Variants in PTPRG observed in about 807,000 individuals in gnomAD.
PTPRG encodes the protein protein tyrosine phosphatase receptor type G.
A neutral mutation model predicts 165.3 loss-of-function variants in PTPRG; 102 were observed. The observed-to-expected ratio is 0.62, with a 90% confidence interval of 0.53 to 0.73. The LOEUF is 0.73. Ranked by LOEUF, PTPRG falls within the 30% of genes least tolerant of loss-of-function variation. The pLI, the probability that PTPRG is intolerant of heterozygous loss-of-function variation, is 0.00. For synonymous variants in PTPRG, 675 were observed against 669.5 expected (o/e 1.01, Z -0.13); for missense variants, 1,866 against 1,861.4 (o/e 1.00, Z -0.05).
intron 6 of PTPRG, among the ~76,000 whole-genome samples, chr3:62,156,070 T>C (rs533922402): frequency 5.9e-5 from 9 of 152,340 alleles, no homozygotes; most frequent in African/African-American, 1.7e-4. Context: ...CTAGATAGTT[T>C]ACTGGGCATG....
chr3:61,749,368 A>G (rs998684197), intron 2 of PTPRG: 6 of 344,116 alleles, frequency 1.7e-5, no homozygotes, highest in Admixed American at 4.5e-5. Flanking sequence ...CATTACAAAC[A>G]TCACATATCA....
At chr3:62,165,359 C>G (rs1381069629) in intron 7 of PTPRG, among the ~76,000 whole-genome samples, 5 of 152,174 alleles carry the variant, frequency 3.3e-5, no homozygotes, top group African/African-American at 1.2e-4. Context: ...TTGATGCATT[C>G]AGTTCTGACT....
intron 3 of PTPRG, among the ~76,000 whole-genome samples, chr3:62,002,671 G>T (rs1183980118): frequency 2.0e-5 from 3 of 152,138 alleles, no homozygotes; most frequent in Non-Finnish European, 2.9e-5. Flanking sequence ...CTTTGGATGG[G>T]TTAAGGGAAA....
chr3:62,044,305 G>A (rs1182859075), intron 4 of PTPRG, among the ~76,000 whole-genome samples: 2 of 152,208 alleles, frequency 1.3e-5, no homozygotes, highest in African/African-American at 4.8e-5. Flanking sequence ...TTGGGAGGCT[G>A]AGGCGGGCGG....
chr3:62,171,967 A>G (rs1041963397), intron 8 of PTPRG, among the ~76,000 whole-genome samples: 1 of 152,070 alleles, frequency 6.6e-6, no homozygotes, highest in African/African-American at 2.4e-5. Flanking sequence ...TTTTGTCTCT[A>G]TGAATTTGTC....
Position 62,141,496 on chromosome 3 carries a change from G to A in PTPRG, c.682+8828G>A, listed in dbSNP as rs191079672. Among the ~76,000 whole-genome samples, 564 of 152,246 alleles carry A rather than the reference G, an allele frequency of 3.7e-3. 3 individuals carry two copies. Among genetic ancestry groups the A allele is most frequent in the African/African-American group, 0.013 (537 of 41,564 alleles). On this transcript the variant is annotated intron_variant, in intron 6 of 29. Transcript: ENST00000474889. ...CACCTGTAGTCCCAGCTATTTTGGG[G>A]AGCTGAGGTGGGAGGATCGCTTGAG...
intron 11 of PTPRG, among the ~76,000 whole-genome samples, chr3:62,202,542 G>T (rs1036297777): frequency 1.6e-4 from 24 of 152,184 alleles, no homozygotes. Context: ...AAACTGCAAG[G>T]TACAGTGACT....
At chr3:61,742,398 C>G (rs1575624893) in intron 1 of PTPRG, 5 of 1,013,260 alleles carry the variant, frequency 4.9e-6, no homozygotes, top group Non-Finnish European at 7.0e-6. Context: ...GCCTTTGGGT[C>G]TGGAATTTTT....
At chr3:61,685,701 A>G (rs1703603345) in intron 1 of PTPRG, among the ~76,000 whole-genome samples, 1 of 152,104 alleles carries the variant, frequency 6.6e-6, no homozygotes, top group South Asian at 2.1e-4. Context: ...AGCTAGAGAT[A>G]CCTCCACTAT....
At chr3:61,761,582 C>CAAAG (rs1158072508) in intron 2 of PTPRG, among the ~76,000 whole-genome samples, 4 of 128,434 alleles carry the variant, frequency 3.1e-5, no homozygotes, top group East Asian at 8.2e-4. Flanking sequence ...CGCCTCAAAA[C>CAAAG]AAAGAAACAA....
chr3:61,571,805 G>T (rs1700063210), intron 1 of PTPRG, among the ~76,000 whole-genome samples: 1 of 152,168 alleles, frequency 6.6e-6, no homozygotes, highest in African/African-American at 2.4e-5. Context: ...ATAACTTCAG[G>T]AAAGGTCTGA....
chr3:62,075,666 C>T (rs940679982), intron 4 of PTPRG, among the ~76,000 whole-genome samples: 7 of 152,124 alleles, frequency 4.6e-5, no homozygotes, highest in South Asian at 2.1e-4. Flanking sequence ...GAAGAAATGC[C>T]GTTGTATTCT....
At chr3:62,018,850 A>G (rs1216153438) in intron 4 of PTPRG, among the ~76,000 whole-genome samples, 6 of 152,196 alleles carry the variant, frequency 3.9e-5, no homozygotes, top group African/African-American at 1.4e-4. Flanking sequence ...AGCATTAGGT[A>G]TAGAAGGCAC....
intron 1 of PTPRG, among the ~76,000 whole-genome samples, chr3:61,585,454 A>G (rs1344697739): frequency 2.0e-5 from 3 of 151,692 alleles, no homozygotes; most frequent in East Asian, 2.0e-4. Context: ...ATTCTAAAAA[A>G]CAATATTAGA....
intron 3 of PTPRG, among the ~76,000 whole-genome samples, chr3:61,992,303 G>A (rs917032225): frequency 5.9e-5 from 9 of 151,656 alleles, no homozygotes; most frequent in Admixed American, 4.6e-4. Flanking sequence ...TTAGAAACTT[G>A]GGTGCAGAAA....
At chr3:62,115,623 T>C (rs1387733682) in intron 5 of PTPRG, among the ~76,000 whole-genome samples, 1 of 152,110 alleles carries the variant, frequency 6.6e-6, no homozygotes, top group African/African-American at 2.4e-5. Flanking sequence ...ACCATATAGA[T>C]TGATCCAAGG....
intron 1 of PTPRG, among the ~76,000 whole-genome samples, chr3:61,585,038 T>C (rs921988895): frequency 6.6e-6 from 1 of 152,128 alleles, no homozygotes; most frequent in Admixed American, 6.5e-5. Context: ...CCCAGCACTT[T>C]GGGAGGCTGA....
intron 2 of PTPRG, among the ~76,000 whole-genome samples, chr3:61,807,569 A>T (rs763449600): frequency 6.6e-6 from 1 of 152,146 alleles, no homozygotes. Flanking sequence ...GCTGAATTTT[A>T]TATTTTTCTT....
intron 28 of PTPRG, among the ~76,000 whole-genome samples, chr3:62,287,791 G>A (rs1329071179): frequency 2.0e-5 from 3 of 152,068 alleles, no homozygotes; most frequent in South Asian, 2.1e-4. Flanking sequence ...AGAGAAGTTC[G>A]CACCCAAGAG....
Sources: allele counts gnomAD v4.1 joint callset (sites outside exome capture counted in the v4.1 genomes callset), GRCh38; gene constraint gnomAD v4.1.1; transcripts MANE v1.5; gene names NCBI Gene and HGNC (gene_info 2026-07-23, HGNC 2026-07-21).